TLE2: variants seen among roughly 807,000 people sequenced by gnomAD.
The protein encoded by TLE2 is transducin-like enhancer protein 2.
In TLE2, 74 loss-of-function variants were observed where a neutral mutation model predicts 97.2. That is an observed-to-expected ratio of 0.76 (90% confidence interval 0.63 to 0.92). TLE2 has a LOEUF of 0.92. Ranked by LOEUF, TLE2 falls within the 40% of genes least tolerant of loss-of-function variation. The pLI is 0.00. For synonymous variants in TLE2, 499 were observed against 432.1 expected (o/e 1.15, Z -1.92); for missense variants, 1,038 against 1,008.7 (o/e 1.03, Z -0.39).
At chr19:3,042,094 G>A in intron 1 of TLE2, among the ~76,000 whole-genome samples, 1 of 151,304 alleles carries the variant, frequency 6.6e-6, no homozygotes, top group African/African-American at 2.4e-5. Context: ...GGAGTAGGGG[G>A]AGCGCAGGGA....
chr19:3,045,744 A>G (rs889002977), exon 1 of TLE2: 2 of 448,406 alleles, frequency 4.5e-6, no homozygotes, highest in South Asian at 1.6e-5. Context: ...CTGAAGCAGG[A>G]GAATCTTGGG....
chr19:3,011,211 G>A, intron 11 of TLE2, 51 bp from the exon 12 acceptor site: 2 of 1,520,386 alleles, frequency 1.3e-6, no homozygotes, highest in Non-Finnish European at 1.8e-6. Context: ...GTGTCTTGTG[G>A]CCCAACGATC....
intron 5 of TLE2, among the ~76,000 whole-genome samples, chr19:3,021,129 G>A (rs1357076587): frequency 7.9e-6 from 1 of 127,050 alleles, no homozygotes. Context: ...GGGGGGTGCT[G>A]AGCGTGGTGA....
At chr19:3,031,671 C>G (rs2090026212), upstream of TLE2, among the ~76,000 whole-genome samples, 1 of 152,072 alleles carries the variant, frequency 6.6e-6, no homozygotes, top group African/African-American at 2.4e-5. Flanking sequence ...TTCGCCCTCA[C>G]TCACTCTGCC....
chr19:3,007,264 A>G (rs2089499100), intron 14 of TLE2, among the ~76,000 whole-genome samples: 1 of 151,702 alleles, frequency 6.6e-6, no homozygotes, highest in Non-Finnish European at 1.5e-5. Context: ...ATTTTTTTGT[A>G]TTTTTAGTAG....
rs988940919 is a variant in TLE2 at position 3,019,970 on chromosome 19, A to G, written c.295-197T>C. 2.4e-5 allele frequency: 17 copies of G among 713,870 alleles called. No individual in the cohort carries two copies. The African/African-American group carries it at 3.0e-4, about 13-fold the overall frequency. The allele number at this position is 713,870 out of a possible 1,614,324, so 44.2% of individuals were successfully genotyped here. On this transcript the variant is annotated intron_variant, in intron 5 of 19. Coordinates refer to ENST00000262953, the MANE Select transcript of TLE2 (RefSeq NM_003260.5). The surrounding 1 kb of genome is among the most constrained non-coding windows in gnomAD (Gnocchi z 5.1). Reference sequence around the variant, plus strand: ...ATAAGCACACGGAGAAAGAAACCAAACCTAAGTGCAGGTAGAATAGTTACA... The same window carrying G: ...ATAAGCACACGGAGAAAGAAACCAAGCCTAAGTGCAGGTAGAATAGTTACA...
intron 11 of TLE2, among the ~76,000 whole-genome samples, chr19:3,011,557 AAAC>A (rs2089597440): frequency 6.7e-6 from 1 of 149,012 alleles, no homozygotes; most frequent in African/African-American, 2.5e-5. Flanking sequence ...CTCTGTCTCA[AAAC>A]AACAACAGGC....
intron 8 of TLE2, 172 bp from the exon 9 acceptor site, chr19:3,015,932 C>A: frequency 1.4e-6 from 1 of 695,014 alleles, no homozygotes; most frequent in Non-Finnish European, 2.6e-6. Context: ...AGGTTTTGTT[C>A]TCTCTTCTGT....
chr19:3,034,357 C>T (rs1343110233), intron 1 of TLE2, among the ~76,000 whole-genome samples: 1 of 151,778 alleles, frequency 6.6e-6, no homozygotes, highest in African/African-American at 2.4e-5. Context: ...CCCCTGGCTC[C>T]CTATTGCCCT....
rs552688401 is a variant in TLE2, at chr19:3,019,814, C to G, written c.295-41G>C. On this transcript the variant is annotated intron_variant, in intron 5 of 19. Coordinates refer to ENST00000262953, the MANE Select transcript of TLE2 (RefSeq NM_003260.5). The surrounding 1 kb of genome is among the most constrained non-coding windows in gnomAD (Gnocchi z 5.1). The stretch of plus-strand genomic sequence containing the variant: ...GATCAGGTAGAGGGTACATTGAGCC[C>G]CTGCTCATGCTAGCGGTGCCCTTGG... The G allele has an allele frequency of 1.2e-5, 19 of 1,593,108 alleles. No homozygotes were observed. The African/African-American group carries it at 2.1e-4, about 18-fold the overall frequency.
rs35442589 is a variant in TLE2 at position 3,043,643 on chromosome 19, C to CA, written c.63+2082dup. 9.5e-3 allele frequency among the ~76,000 whole-genome samples: 1,150 copies of CA among 120,556 alleles called. 11 individuals carry two copies. Among genetic ancestry groups the CA allele is most frequent in the African/African-American group, 0.02 (695 of 34,606 alleles). 79.1% of individuals were successfully genotyped at this position (120,556 alleles called of 152,430 possible). On this transcript the variant is annotated intron_variant, in intron 1 of 18. Transcript: ENST00000426948. ...TGAAACCCCGTCTCTACTAAAAATA[C>CA]AAAAAAAAAAAAAAAAATTAGCCAG...
chr19:3,006,885 C>A (rs1241226520), intron 14 of TLE2, among the ~76,000 whole-genome samples: 2 of 151,608 alleles, frequency 1.3e-5, no homozygotes, highest in Admixed American at 1.3e-4. Flanking sequence ...TGGGTTCAAG[C>A]GATTCTCTTG....
Position 3,006,106 on chromosome 19 carries a change from T to A in TLE2, c.1501-138A>T, listed in dbSNP as rs577308167. On this transcript the variant is annotated intron_variant, in intron 15 of 19. Transcript: ENST00000262953. The stretch of plus-strand genomic sequence containing the variant: ...TGCAAGCCCTACCCTGATTGGCTGG[T>A]GAGCCCCGCCCCTTTGACCTGCAAA... 2.3e-5 allele frequency: 26 copies of A among 1,122,828 alleles called. 1 individual carries two copies. The South Asian group carries it at 2.5e-4, about 11-fold the overall frequency. 69.6% of individuals were successfully genotyped at this position (1,122,828 alleles called of 1,614,324 possible).
chr19:3,033,537 G>A (rs541825288), upstream of TLE2, among the ~76,000 whole-genome samples: 1 of 152,226 alleles, frequency 6.6e-6, no homozygotes, highest in East Asian at 1.9e-4. Context: ...CCTGGCAGGC[G>A]ATCTGCCTGC....
chr19:3,028,211 G>A (rs563115269), intron 3 of TLE2, 108 bp downstream of exon 3: 11 of 1,182,722 alleles, frequency 9.3e-6, no homozygotes, highest in Non-Finnish European at 1.4e-5. Context: ...CCAATGTACA[G>A]ACGGGGAAGA....
At chr19:2,999,958 G>GGGAGGT (rs968642623) in intron 19 of TLE2, among the ~76,000 whole-genome samples, 7 of 149,202 alleles carry the variant, frequency 4.7e-5, no homozygotes, top group African/African-American at 1.7e-4. Flanking sequence ...GATTGAACCC[G>GGGAGGT]GGAGGTGGAG....
chr19:3,024,089 G>A (rs1310758666), intron 5 of TLE2, among the ~76,000 whole-genome samples: 1 of 148,030 alleles, frequency 6.8e-6, no homozygotes, highest in African/African-American at 2.5e-5. Context: ...CCCGCCTCCT[G>A]AGTTCAAGCA....
chr19:3,029,156 G>T lies in TLE2; in HGVS notation c.-252C>A. On this transcript the variant is annotated 5_prime_UTR_variant, in exon 1 of 20. Transcript: ENST00000262953. ...GCGGGCAGGGGCAGCGGCCGGGGCG[G>T]GAGCGCGGCGAGGGCGGCCGCGGCA... 1.1e-6 allele frequency: 1 copy of T among 920,586 alleles called. No individual in the cohort carries two copies. Among genetic ancestry groups the T allele is most frequent in the Non-Finnish European group, 1.3e-6 (1 of 770,086 alleles). The allele number at this position is 920,586 out of a possible 1,614,324, so 57.0% of individuals were successfully genotyped here.
At chr19:3,007,168 A>C (rs993711004) in intron 14 of TLE2, among the ~76,000 whole-genome samples, 1 of 151,200 alleles carries the variant, frequency 6.6e-6, no homozygotes, top group African/African-American at 2.4e-5. Context: ...ACTCACTGCA[A>C]ACTCTGCTTC....
Sources: gnomAD v4.1 joint callset for allele counts (sites outside exome capture counted in the v4.1 genomes callset) on GRCh38, gnomAD v4.1.1 for gene constraint, Gnocchi (gnomAD v3.1) non-coding constraint, MANE v1.5 for transcripts, NCBI Gene and HGNC (gene_info 2026-07-23, HGNC 2026-07-21) for gene names.